Variants in HEMK2 observed in about 807,000 individuals in gnomAD.
HEMK2 encodes the protein HemK methyltransferase 2, ETF1 glutamine and histone H4 lysine, also known as methyltransferase HEMK2.
At chr21:28,856,848 C>T in the HEMK2 span, among the ~76,000 whole-genome samples, 1 of 152,248 alleles carries the variant, frequency 6.6e-6, no homozygotes, top group Non-Finnish European at 1.5e-5. Flanking sequence ...AAGCACTGAG[C>T]TGTGCGGACT....
the HEMK2 span, among the ~76,000 whole-genome samples, chr21:28,816,494 A>G: frequency 6.6e-6 from 1 of 152,300 alleles, no homozygotes; most frequent in African/African-American, 2.4e-5. Flanking sequence ...ACAAAGCAAG[A>G]CACTGTCTCT....
At chr21:28,760,510 T>C in the HEMK2 span, among the ~76,000 whole-genome samples, 187 of 152,356 alleles carry the variant, frequency 1.2e-3, no homozygotes, top group African/African-American at 4.3e-3. Flanking sequence ...AAGAAACTTT[T>C]ATACAGATTA....
the HEMK2 span, among the ~76,000 whole-genome samples, chr21:28,642,757 T>C: frequency 6.6e-6 from 1 of 152,168 alleles, no homozygotes; most frequent in African/African-American, 2.4e-5. Context: ...CATCCAAAGT[T>C]AGCTGCCTCT....
chr21:28,871,426 C>T, the HEMK2 span, among the ~76,000 whole-genome samples: 1 of 152,142 alleles, frequency 6.6e-6, no homozygotes, highest in South Asian at 2.1e-4. Context: ...ACTATCACGA[C>T]AACAGCAAGG....
the HEMK2 span, among the ~76,000 whole-genome samples, chr21:28,732,725 A>G: frequency 1.3e-5 from 2 of 152,188 alleles, no homozygotes; most frequent in Non-Finnish European, 2.9e-5. Flanking sequence ...GCATATATCC[A>G]GTATGTGCAC....
the HEMK2 span, among the ~76,000 whole-genome samples, chr21:28,604,733 C>G: frequency 6.6e-6 from 1 of 152,310 alleles, no homozygotes; most frequent in South Asian, 2.1e-4. Context: ...TCTCTATTGT[C>G]AAAGCTTGCA....
the HEMK2 span, among the ~76,000 whole-genome samples, chr21:28,657,538 T>C: frequency 1.3e-5 from 2 of 152,066 alleles, no homozygotes; most frequent in South Asian, 2.1e-4. Flanking sequence ...TTGGTTGACA[T>C]TGGCAGACTA....
chr21:28,884,249 G>A, the HEMK2 span, among the ~76,000 whole-genome samples: 1 of 152,288 alleles, frequency 6.6e-6, no homozygotes, highest in African/African-American at 2.4e-5. Context: ...GAGAAGAAAA[G>A]ACAAGTTATA....
the HEMK2 span, among the ~76,000 whole-genome samples, chr21:28,807,024 T>C: frequency 6.6e-6 from 1 of 152,180 alleles, no homozygotes; most frequent in African/African-American, 2.4e-5. Flanking sequence ...CAGGCACAAC[T>C]AAACTGAGGT....
the HEMK2 span, among the ~76,000 whole-genome samples, chr21:28,849,687 T>C: frequency 2.0e-5 from 3 of 152,202 alleles, no homozygotes; most frequent in Non-Finnish European, 4.4e-5. Flanking sequence ...GAAACGGATC[T>C]GATACAGCTG....
At chr21:28,783,161 T>C in the HEMK2 span, among the ~76,000 whole-genome samples, 3 of 152,200 alleles carry the variant, frequency 2.0e-5, no homozygotes, top group Non-Finnish European at 2.9e-5. Flanking sequence ...TATTTGTTTC[T>C]TAAACACCTT....
the HEMK2 span, chr21:28,876,550 T>C: frequency 9.8e-7 from 1 of 1,020,840 alleles, no homozygotes; most frequent in Non-Finnish European, 1.4e-6. Flanking sequence ...GCATGATCAA[T>C]AAGCAATTTA....
chr21:28,684,173 T>A, the HEMK2 span, among the ~76,000 whole-genome samples: 3 of 152,214 alleles, frequency 2.0e-5, no homozygotes, highest in Non-Finnish European at 4.4e-5. Context: ...AGCAACACCA[T>A]TGTGTGTTTC....
chr21:28,733,690 T>G, the HEMK2 span, among the ~76,000 whole-genome samples: 1 of 152,022 alleles, frequency 6.6e-6, no homozygotes, highest in African/African-American at 2.4e-5. Flanking sequence ...CCATGTAACC[T>G]TTTGGTAGCC....
chr21:28,882,717 T>G, the HEMK2 span, among the ~76,000 whole-genome samples: 1 of 152,220 alleles, frequency 6.6e-6, no homozygotes, highest in Non-Finnish European at 1.5e-5. Flanking sequence ...TTCTATAAAT[T>G]TAAGCAACTT....
the HEMK2 span, among the ~76,000 whole-genome samples, chr21:28,668,750 C>T: frequency 5.9e-5 from 9 of 152,112 alleles, no homozygotes; most frequent in Admixed American, 3.9e-4. Context: ...TTCAATTAAC[C>T]GTGTATTAGT....
the HEMK2 span, among the ~76,000 whole-genome samples, chr21:28,721,302 G>A: frequency 6.6e-6 from 1 of 151,832 alleles, no homozygotes; most frequent in South Asian, 2.1e-4. Context: ...TTTTTGTAGA[G>A]AGAGGTTTTA....
At chr21:28,750,017 A>G in the HEMK2 span, among the ~76,000 whole-genome samples, 1 of 152,228 alleles carries the variant, frequency 6.6e-6, no homozygotes, top group Non-Finnish European at 1.5e-5. Context: ...GAACAGGCCA[A>G]TGCTTTTACA....
the HEMK2 span, among the ~76,000 whole-genome samples, chr21:28,792,352 G>C: frequency 3.3e-5 from 5 of 151,998 alleles, no homozygotes; most frequent in Admixed American, 6.6e-5. Context: ...TTATTGTGTG[G>C]ACTTGTCCCA....
Sources: allele counts gnomAD v4.1 joint callset (sites outside exome capture counted in the v4.1 genomes callset), GRCh38; gene constraint gnomAD v4.1.1; transcripts MANE v1.5; gene names NCBI Gene and HGNC (gene_info 2026-07-23, HGNC 2026-07-21).